GLIS3: variants seen among roughly 807,000 people sequenced by gnomAD.
GLIS3 encodes zinc finger protein GLIS3.
In GLIS3, 53 loss-of-function variants were observed where a neutral mutation model predicts 78.6. The observed-to-expected ratio is 0.67, with a 90% CI of 0.54 to 0.85. GLIS3 has a LOEUF of 0.85. Ranked by LOEUF, GLIS3 falls within the 40% of genes least tolerant of loss-of-function variation. The pLI is 0.00. For synonymous variants in GLIS3, 684 were observed against 509.9 expected (o/e 1.34, Z -4.60); for missense variants, 1,703 against 1,231.1 (o/e 1.38, Z -5.74).
intron 7 of GLIS3, 50 bp from the exon 8 acceptor site, chr9:3,879,645 C>A (rs765345268): frequency 1.2e-4 from 197 of 1,601,214 alleles, no homozygotes; most frequent in Non-Finnish European, 1.6e-4. Context: ...AGGAAGCCCA[C>A]GTTTTTTAAA....
At chr9:4,150,544 A>T (rs564987768) in intron 2 of GLIS3, among the ~76,000 whole-genome samples, 2 of 152,306 alleles carry the variant, frequency 1.3e-5, no homozygotes, top group Non-Finnish European at 2.9e-5. Context: ...TGCTCAGAAA[A>T]TATCGATTCC....
At chr9:4,399,790 G>A in the GLIS3 span, among the ~76,000 whole-genome samples, 1 of 152,188 alleles carries the variant, frequency 6.6e-6, no homozygotes, top group Non-Finnish European at 1.5e-5. Flanking sequence ...AGCTACAGAA[G>A]AGGCATCTAA....
chr9:4,070,520 G>GTGTGCGTAAGTATTTGTGTGTGTGTGCA lies in GLIS3; in HGVS notation c.1710+47247_1710+47248insTGCACACACACACAAATACTTACGCACA, dbSNP rs1827502029. Among the ~76,000 whole-genome samples the GTGTGCGTAAGTATTTGTGTGTGTGTGCA allele has an allele frequency of 1.3e-5, 2 of 151,668 alleles. 1 individual carries two copies. The highest frequency in any genetic ancestry group is 2.9e-5 in the Non-Finnish European group (2 of 68,012). On this transcript the variant is annotated intron_variant, in intron 4 of 10. Coordinates refer to ENST00000381971, the MANE Select transcript of GLIS3 (RefSeq NM_001042413.2). ...TGCGTAAGTATTTGTGTGTGTGTGC[G>GTGTGCGTAAGTATTTGTGTGTGTGTGCA]TGTGCGTAAGTATTTGTGTGTGTGT...
chr9:4,428,475 C>G, the GLIS3 span, among the ~76,000 whole-genome samples: 4 of 115,124 alleles, frequency 3.5e-5, no homozygotes, highest in East Asian at 1.0e-3. Flanking sequence ...CAGAGTGAGA[C>G]TCTGTCTCAA....
chr9:4,298,090 G>A (rs539594278), intron 1 of GLIS3, among the ~76,000 whole-genome samples: 2 of 152,236 alleles, frequency 1.3e-5, no homozygotes, highest in South Asian at 2.1e-4. Flanking sequence ...AACTAGTGCC[G>A]GCTTCCTGTT....
chr9:4,481,014 C>G, the GLIS3 span, among the ~76,000 whole-genome samples: 3 of 152,194 alleles, frequency 2.0e-5, no homozygotes, highest in South Asian at 6.2e-4. Flanking sequence ...ACCACCACAC[C>G]TGGCTAATTT....
intron 4 of GLIS3, among the ~76,000 whole-genome samples, chr9:4,066,417 A>G (rs113529658): frequency 5.3e-4 from 81 of 152,268 alleles, no homozygotes; most frequent in Non-Finnish European, 1.0e-3. Flanking sequence ...GCATTTTTCC[A>G]GCCACCTCCT....
intron 2 of GLIS3, 95 bp from the exon 3 acceptor site, chr9:4,126,036 G>C (rs550638294): frequency 1.9e-5 from 18 of 935,174 alleles, no homozygotes; most frequent in Admixed American, 1.4e-4. Flanking sequence ...CCCATCTTTA[G>C]AGACAGTCCT....
intron 2 of GLIS3, among the ~76,000 whole-genome samples, chr9:4,155,936 T>C (rs1026114526): frequency 6.6e-6 from 1 of 152,202 alleles, no homozygotes; most frequent in Admixed American, 6.5e-5. Flanking sequence ...TCCCACTACA[T>C]GCTACTGCTA....
intron 7 of GLIS3, among the ~76,000 whole-genome samples, chr9:3,891,858 T>TC (rs1822478119): frequency 6.6e-6 from 1 of 152,144 alleles, no homozygotes; most frequent in African/African-American, 2.4e-5. Context: ...ATGAAGTACA[T>TC]CCACTTCTCA....
chr9:4,399,018 C>G, the GLIS3 span, among the ~76,000 whole-genome samples: 15 of 152,156 alleles, frequency 9.9e-5, no homozygotes, highest in African/African-American at 3.6e-4. Context: ...TTGTTTTCTG[C>G]TCTGCTTTCA....
intron 4 of GLIS3, among the ~76,000 whole-genome samples, chr9:3,942,240 A>C (rs1030580443): frequency 6.6e-6 from 1 of 152,182 alleles, no homozygotes; most frequent in Non-Finnish European, 1.5e-5. Context: ...TAAAATATAC[A>C]TTTGATTTGA....
intron 4 of GLIS3, among the ~76,000 whole-genome samples, chr9:3,994,704 G>A (rs1324081249): frequency 1.2e-4 from 18 of 152,112 alleles, no homozygotes; most frequent in Admixed American, 1.2e-3. Context: ...GCTCAACCCT[G>A]CCACCAACAC....
intron 6 of GLIS3, among the ~76,000 whole-genome samples, chr9:3,921,365 G>C (rs1824876170): frequency 6.6e-6 from 1 of 152,208 alleles, no homozygotes; most frequent in Admixed American, 6.5e-5. Context: ...TGTGGAGGTA[G>C]GTTGTTTTAG....
At chr9:4,093,349 A>G (rs1343523802) in intron 4 of GLIS3, among the ~76,000 whole-genome samples, 1 of 152,164 alleles carries the variant, frequency 6.6e-6, no homozygotes, top group Non-Finnish European at 1.5e-5. Context: ...CAGTGTTTGC[A>G]CTGAGTAAGG....
the GLIS3 span, among the ~76,000 whole-genome samples, chr9:4,480,422 G>A: frequency 1.3e-5 from 2 of 151,994 alleles, no homozygotes; most frequent in South Asian, 2.1e-4. Flanking sequence ...GGCTGGTCTT[G>A]AAGTCCAGGT....
chr9:3,846,265 G>C (rs774309972), intron 9 of GLIS3, among the ~76,000 whole-genome samples: 1 of 152,156 alleles, frequency 6.6e-6, no homozygotes, highest in Non-Finnish European at 1.5e-5. Flanking sequence ...TACTGTATCA[G>C]TAGGCACCAC....
the GLIS3 span, among the ~76,000 whole-genome samples, chr9:4,483,157 T>G: frequency 3.0e-4 from 45 of 152,280 alleles, no homozygotes; most frequent in Middle Eastern, 3.4e-3. Flanking sequence ...TTAGTATCAC[T>G]AGACATCCCC....
intron 2 of GLIS3, among the ~76,000 whole-genome samples, chr9:4,129,414 T>G (rs1037706515): frequency 6.6e-6 from 1 of 152,038 alleles, no homozygotes; most frequent in African/African-American, 2.4e-5. Flanking sequence ...GTTTTGGAGG[T>G]GGGGCCCAGT....
Sources: gnomAD v4.1 joint callset for allele counts (sites outside exome capture counted in the v4.1 genomes callset) on GRCh38, gnomAD v4.1.1 for gene constraint, MANE v1.5 for transcripts, NCBI Gene and HGNC (gene_info 2026-07-23, HGNC 2026-07-21) for gene names.